MGAT3: variants seen among roughly 807,000 people sequenced by gnomAD.
The protein encoded by MGAT3 is GlcNAc-T III.
A neutral mutation model predicts 29.8 loss-of-function variants in MGAT3; 9 were observed. The observed-to-expected ratio is 0.30, with a 90% confidence interval of 0.18 to 0.53. MGAT3 has a LOEUF of 0.53. Among genes scored for constraint, MGAT3 ranks in the 20% least tolerant of loss-of-function variants. The probability of loss-of-function intolerance (pLI) is 0.96; values close to 1 mark genes in which losing one functional copy is unlikely to be tolerated. For synonymous variants in MGAT3, 397 were observed against 348.9 expected, an observed-to-expected ratio of 1.14 and a Z score of -1.54; for missense variants, 557 against 769.5, an observed-to-expected ratio of 0.72 and a Z score of 3.27.
intron 1 of MGAT3, among the ~76,000 whole-genome samples, chr22:39,467,098 T>C (rs1928669772): frequency 6.6e-6 from 1 of 152,372 alleles, no homozygotes; most frequent in African/African-American, 2.4e-5. Context: ...GCACACAGCA[T>C]GAACATCTCC....
rs552939360 is a variant in MGAT3, at chr22:39,459,887, C to T, written c.-2+2330C>T. ...ATTATTACCTGGAAAACGAGGATGCCGATGCCAGCTGGCGGGCCAGGCCAG... is the reference window on the plus strand; with the variant it reads ...ATTATTACCTGGAAAACGAGGATGCTGATGCCAGCTGGCGGGCCAGGCCAG... On this transcript the variant is annotated intron_variant, in intron 1 of 1. Coordinates refer to ENST00000341184, the MANE Select transcript of MGAT3 (RefSeq NM_002409.5). 4.6e-5 allele frequency among the ~76,000 whole-genome samples: 7 copies of T among 152,340 alleles called. No homozygotes were observed. In the South Asian group the frequency reaches 1.0e-3, roughly 23 times the overall value.
rs1337747715 is a variant in MGAT3 at position 39,457,139 on chromosome 22, G to A, written c.-420G>A. On this transcript the variant is annotated 5_prime_UTR_variant, in exon 1 of 2. Transcript: ENST00000341184. The surrounding 1 kb of genome is among the most constrained non-coding windows in gnomAD (Gnocchi z 6.8). The stretch of plus-strand genomic sequence containing the variant: ...GGCGCGGCGGCGGAGCCCGGCTGGC[G>A]GGGGAGGGGAGGGGGTTGCGGAGGG... 2.7e-5 allele frequency among the ~76,000 whole-genome samples: 4 copies of A among 145,726 alleles called. No individual in the cohort carries two copies. The highest frequency in any genetic ancestry group is 6.1e-5 in the Non-Finnish European group (4 of 65,584).
intron 1 of MGAT3, among the ~76,000 whole-genome samples, chr22:39,474,266 C>A: frequency 6.6e-6 from 1 of 152,252 alleles, no homozygotes; most frequent in South Asian, 2.1e-4. Context: ...GCAGCGAATC[C>A]GATCATCTAC....
In MGAT3 at chr22:39,487,311, G is replaced by T. The variant is rs1484354876; in HGVS notation, c.-1-36G>T. On this transcript the variant is annotated intron_variant, in intron 1 of 1. Coordinates refer to ENST00000341184, the MANE Select transcript of MGAT3 (RefSeq NM_002409.5). This position sits in a 1 kb window ranked among gnomAD's most constrained non-coding sequence, Gnocchi z 5.7. ...CCTTCCTAGGAAAGGAGCCTGGGCT[G>T]CCCTGATGAGTCTCCTGTCTCTCTC... 4 of 1,587,260 alleles carry T rather than the reference G, an allele frequency of 2.5e-6. No homozygotes were observed. Among genetic ancestry groups the T allele is most frequent in the Admixed American group, 3.5e-5 (2 of 57,070 alleles).
chr22:39,469,824 C>T (rs369534898), intron 1 of MGAT3, among the ~76,000 whole-genome samples: 10 of 152,206 alleles, frequency 6.6e-5, no homozygotes, highest in African/African-American at 2.2e-4. Flanking sequence ...CGAGCCTGGG[C>T]GGGAGGGGCT....
chr22:39,464,953 C>T (rs1928598815), intron 1 of MGAT3, among the ~76,000 whole-genome samples: 1 of 151,880 alleles, frequency 6.6e-6, no homozygotes, highest in Non-Finnish European at 1.5e-5. Flanking sequence ...GACGGGGTTT[C>T]ACCATGTTAG....
chr22:39,471,042 C>G (rs561485461), intron 1 of MGAT3, among the ~76,000 whole-genome samples: 1 of 152,114 alleles, frequency 6.6e-6, no homozygotes, highest in African/African-American at 2.4e-5. Context: ...CCCTCCTGCC[C>G]GGCTTTTCCT....
rs1323290672 is a variant in MGAT3, at chr22:39,487,772, G to A, written c.425G>A (p.Gly142Asp). 10 of 1,500,810 alleles carry A rather than the reference G, an allele frequency of 6.7e-6. No homozygotes were observed. Among genetic ancestry groups the A allele is most frequent in the Non-Finnish European group, 8.0e-6 (9 of 1,127,950 alleles). 93.0% of individuals were successfully genotyped at this position (1,500,810 alleles called of 1,614,324 possible). ...RPEEKPEGAN[G>D]SSARRPPRYL... ...GAGGAGAAGCCTGAGGGGGCCAACG[G>A]CTCCTCGGCCCGGCGGCCACCCCGG... Residue 142 changes from glycine (G) to aspartate (D), a missense_variant, in exon 2 of 2, where the codon GGC (glycine) becomes GAC (aspartate). This residue lies in a region of MGAT3 where 212 missense variants were observed against 228.5 expected (regional missense o/e 0.93). Transcript: ENST00000341184. This position sits in a 1 kb window ranked among gnomAD's most constrained non-coding sequence, Gnocchi z 5.7.
intron 1 of MGAT3, among the ~76,000 whole-genome samples, chr22:39,469,758 A>G (rs1928756386): frequency 1.3e-5 from 2 of 152,154 alleles, no homozygotes; most frequent in South Asian, 4.1e-4. Flanking sequence ...CAGGCTGGAG[A>G]TAGAGCTGAG....
intron 1 of MGAT3, among the ~76,000 whole-genome samples, chr22:39,467,020 C>T (rs1308347018): frequency 1.3e-5 from 2 of 152,242 alleles, no homozygotes; most frequent in Non-Finnish European, 2.9e-5. Flanking sequence ...AGGGGCACAG[C>T]TCTGCTGACA....
At chr22:39,467,296 G>A (rs1928675687) in intron 1 of MGAT3, among the ~76,000 whole-genome samples, 1 of 152,206 alleles carries the variant, frequency 6.6e-6, no homozygotes, top group South Asian at 2.1e-4. Flanking sequence ...GAGGGTGAAG[G>A]GCAGGGGGTT....
chr22:39,490,119 G>C lies in MGAT3; in HGVS notation c.*1170G>C, dbSNP rs1177356518. 1.8e-5 allele frequency: 3 copies of C among 167,174 alleles called. No homozygotes were observed. The highest frequency in any genetic ancestry group is 4.4e-5 in the Non-Finnish European group (3 of 68,132). The allele number at this position is 167,174 out of a possible 1,614,324, so 10.4% of individuals were successfully genotyped here. A position where few individuals can be genotyped will look rare whatever the true frequency, so the allele number is the denominator to read the frequency against. On this transcript the variant is annotated 3_prime_UTR_variant, in exon 2 of 2. Coordinates refer to ENST00000341184, the MANE Select transcript of MGAT3 (RefSeq NM_002409.5). ...CAAGATGGAAGCTTGTTTCTAATTA[G>C]TCTAGATTGAGATGGCCCAGAGCTG...
intron 1 of MGAT3, among the ~76,000 whole-genome samples, chr22:39,485,002 C>CAA: frequency 6.7e-6 from 1 of 149,310 alleles, no homozygotes; most frequent in South Asian, 2.1e-4. Flanking sequence ...GACCCTGTCT[C>CAA]AAAAAAAAAG....
At chr22:39,470,301 C>T (rs1356659063) in intron 1 of MGAT3, among the ~76,000 whole-genome samples, 1 of 152,200 alleles carries the variant, frequency 6.6e-6, no homozygotes, top group East Asian at 1.9e-4. Flanking sequence ...GGCATCAGAG[C>T]ATGCAGGGAC....
In MGAT3 at chr22:39,488,361, G is replaced by A. The variant is rs1330158686; in HGVS notation, c.1014G>A (p.Glu338=). 1 of 1,612,630 alleles carries A rather than the reference G, an allele frequency of 6.2e-7. No homozygotes were observed. The highest frequency in any genetic ancestry group is 8.5e-7 in the Non-Finnish European group (1 of 1,180,028). The part of the protein sequence containing the change: ...LFLKLYDGWT[E]PFAFHMRKSL... ...TCAAGCTCTACGATGGCTGGACCGA[G>A]CCCTTCGCCTTCCACATGCGCAAGT... Residue 338 remains glutamate (E), a synonymous_variant, in exon 2 of 2, where the codon GAG becomes GAA. Transcript: ENST00000341184.
intron 1 of MGAT3, chr22:39,486,076 G>A (rs994684949): frequency 2.6e-6 from 1 of 384,150 alleles, no homozygotes; most frequent in South Asian, 1.9e-5. Context: ...GTCCAATATG[G>A]TAGTATTTAT....
intron 1 of MGAT3, among the ~76,000 whole-genome samples, chr22:39,464,291 TG>T (rs974729420): frequency 5.3e-5 from 8 of 152,012 alleles, no homozygotes; most frequent in Non-Finnish European, 1.0e-4. Context: ...TGGCAAATTG[TG>T]GTGGGTGAGT....
intron 1 of MGAT3, among the ~76,000 whole-genome samples, chr22:39,465,657 A>C (rs894594677): frequency 6.6e-6 from 1 of 152,096 alleles, no homozygotes; most frequent in Non-Finnish European, 1.5e-5. Flanking sequence ...TGAGATATGA[A>C]AATGAAATCA....
chr22:39,475,953 A>G (rs1022931573), intron 1 of MGAT3: 13 of 152,352 alleles, frequency 8.5e-5, no homozygotes, highest in African/African-American at 3.1e-4. Flanking sequence ...AAAAACAAAA[A>G]CAAAAACATT....
Sources: allele counts gnomAD v4.1 joint callset (sites outside exome capture counted in the v4.1 genomes callset), GRCh38; gene constraint gnomAD v4.1.1; regional missense constraint gnomAD v4.1.1; non-coding constraint Gnocchi (gnomAD v3.1); transcripts MANE v1.5; gene names NCBI Gene and HGNC (gene_info 2026-07-23, HGNC 2026-07-21).